The following GREB1 variants were observed in gnomAD, a reference collection of about 807,000 sequenced individuals.
GREB1 encodes the protein protein GREB1.
GREB1 carries 106 observed loss-of-function variants against 200.7 expected under a neutral mutation model. The ratio of observed to expected loss-of-function variants is 0.53; its 90% CI spans 0.45 to 0.62. The LOEUF is 0.62. Among genes scored for constraint, GREB1 ranks in the 20% least tolerant of loss-of-function variants. The pLI is 0.00. For synonymous variants in GREB1, 1,132 were observed against 1,092.4 expected (o/e 1.04, Z -0.72); for missense variants, 2,243 against 2,556.8 (o/e 0.88, Z 2.65).
chr2:11,608,636 A>G lies in GREB1; in HGVS notation c.2667-2052A>G, dbSNP rs1031476774. On this transcript the variant is annotated intron_variant, in intron 17 of 32. Coordinates refer to ENST00000381486, the MANE Select transcript of GREB1 (RefSeq NM_014668.4). ...ATTTAATGTAGCGCTAACTTTGCCC[A>G]TTACTGAGACAAAATCCTCTGAGTA... 2.0e-5 allele frequency among the ~76,000 whole-genome samples: 3 copies of G among 152,328 alleles called. No homozygotes were observed. The East Asian group carries it at 5.8e-4, about 29-fold the overall frequency.
At chr2:11,546,749 G>A (rs1377580603) in intron 1 of GREB1, among the ~76,000 whole-genome samples, 3 of 152,152 alleles carry the variant, frequency 2.0e-5, no homozygotes, top group Admixed American at 2.0e-4. Flanking sequence ...CGCTTTTTGT[G>A]TGAATGCAGG....
At chr2:11,624,457 G>T (rs1011380752) in intron 23 of GREB1, among the ~76,000 whole-genome samples, 2 of 149,492 alleles carry the variant, frequency 1.3e-5, no homozygotes, top group Non-Finnish European at 2.9e-5. Flanking sequence ...TCATTCTCCT[G>T]CCTCAGCCTC....
At chr2:11,489,469 A>T (rs375014571) in intron 1 of GREB1, among the ~76,000 whole-genome samples, 5 of 152,188 alleles carry the variant, frequency 3.3e-5, no homozygotes, top group East Asian at 1.9e-4. Context: ...GGGGGAAAAA[A>T]AAATAAATAA....
rs374829347 is a variant in GREB1, at chr2:11,585,773, A to G, written c.1027A>G (p.Met343Val). The change falls in exon 9 of 33, where the codon ATG (methionine) becomes GTG (valine). Residue 343 changes from methionine to valine, a missense_variant. Physicochemically the swap from Met to Val is conservative, Grantham distance 21. Transcript: ENST00000381486. ...GNRAKYESAG[M>V]SCVPQVGLVG... ...TTGGGTGTTCCTAGAGAGCGCAGGC[A>G]TGTCCTGCGTGCCGCAGGTTGGCTT... 3.8e-5 allele frequency: 61 copies of G among 1,613,028 alleles called. No individual in the cohort carries two copies. The highest frequency in any genetic ancestry group is 5.2e-5 in the Non-Finnish European group (61 of 1,180,032).
chr2:11,592,187 C>CT (rs60260708), intron 10 of GREB1: 13,675 of 311,720 alleles, frequency 0.044, 27 homozygotes, highest in East Asian at 0.054. Flanking sequence ...TTTTTTTTTT[C>CT]TTTTTTTTTT....
chr2:11,561,362 T>A (rs1811400), intron 2 of GREB1: 64,837 of 106,178 alleles, frequency 0.61, 16,971 homozygotes, highest in South Asian at 0.69. Flanking sequence ...CTTGGGGATA[T>A]TTTTTTTTTT....
At chr2:11,521,407 G>T (rs1268513912) in intron 1 of GREB1, among the ~76,000 whole-genome samples, 1 of 152,158 alleles carries the variant, frequency 6.6e-6, no homozygotes, top group African/African-American at 2.4e-5. Flanking sequence ...ATTGTGCCCG[G>T]CCTAGTCTCT....
In GREB1 at chr2:11,587,580, TGCCCCAG is replaced by T. The variant is rs146281451; in HGVS notation, c.1160-1163_1160-1157del. ...GCAGTGTCTTTGAGAACGTGACCTGTGCCCCAGGCACCAGCTTTACTCCCCGAGCCCA... is the reference window on the plus strand; with the variant it reads ...GCAGTGTCTTTGAGAACGTGACCTGTGCACCAGCTTTACTCCCCGAGCCCA... On this transcript the variant is annotated intron_variant, in intron 9 of 32. Transcript: ENST00000381486. The T allele has an allele frequency of 6.5e-4, 969 of 1,498,060 alleles. 5 individuals are homozygous for T. The African/African-American group carries it at 0.012, about 19-fold the overall frequency. The allele number at this position is 1,498,060 out of a possible 1,614,324, so 92.8% of individuals were successfully genotyped here.
intron 1 of GREB1, among the ~76,000 whole-genome samples, chr2:11,542,482 G>A (rs1674854031): frequency 6.6e-6 from 1 of 152,152 alleles, no homozygotes; most frequent in African/African-American, 2.4e-5. Flanking sequence ...AGAGGAACGA[G>A]GGGAAGAGGG....
intron 17 of GREB1, among the ~76,000 whole-genome samples, chr2:11,607,525 T>TGTAC (rs1682455004): frequency 1.1e-5 from 1 of 93,680 alleles, no homozygotes; most frequent in African/African-American, 4.3e-5. Flanking sequence ...CATACATATA[T>TGTAC]ATACACATAT....
chr2:11,556,715 G>A lies in GREB1; in HGVS notation c.101G>A (p.Arg34Lys), dbSNP rs1237049246. The change falls in exon 2 of 33, where the codon AGG becomes AAG. Residue 34 changes from arginine to lysine, a missense_variant. Arg to Lys is a conservative substitution (Grantham distance 26, BLOSUM62 2). This residue lies in a region of GREB1 where 1,178 missense variants were observed against 1,387.4 expected (regional missense o/e 0.85). Coordinates refer to ENST00000381486, the MANE Select transcript of GREB1 (RefSeq NM_014668.4). ...ASLRSNNLVPRPIFSQLYLEA... is the reference protein window; with the variant it reads ...ASLRSNNLVPKPIFSQLYLEA... ...CTGCGGTCCAACAACCTGGTGCCCA[G>A]GCCCATCTTTTCCCAGCTGTACCTG... 2 of 1,614,102 alleles carry A rather than the reference G, an allele frequency of 1.2e-6. No individual in the cohort carries two copies. The highest frequency in any genetic ancestry group is 1.7e-6 in the Non-Finnish European group (2 of 1,179,992).
chr2:11,579,738 C>T (rs1406163352), intron 6 of GREB1, among the ~76,000 whole-genome samples: 2 of 152,196 alleles, frequency 1.3e-5, no homozygotes, highest in African/African-American at 2.4e-5. Context: ...CTTTCCAGAC[C>T]ATTCTGGCTG....
chr2:11,538,914 C>T (rs1464005160), intron 1 of GREB1, among the ~76,000 whole-genome samples: 10 of 46,824 alleles, frequency 2.1e-4, no homozygotes, highest in East Asian at 7.2e-4. Flanking sequence ...TTCCTTCCCC[C>T]TCCCCTCCCC....
At chr2:11,539,560 C>T (rs1428965993) in intron 1 of GREB1, among the ~76,000 whole-genome samples, 1 of 152,230 alleles carries the variant, frequency 6.6e-6, no homozygotes, top group Non-Finnish European at 1.5e-5. Context: ...TCTCCTGACC[C>T]TTTGTTCTTT....
At chr2:11,522,175 T>A (rs533933429) in intron 1 of GREB1, among the ~76,000 whole-genome samples, 23 of 152,064 alleles carry the variant, frequency 1.5e-4, no homozygotes, top group African/African-American at 5.1e-4. Context: ...TCAAGTAGAT[T>A]TTTTTTTGGG....
intron 1 of GREB1, among the ~76,000 whole-genome samples, chr2:11,520,115 GAGAC>G (rs1673653212): frequency 6.6e-6 from 1 of 152,160 alleles, no homozygotes; most frequent in Non-Finnish European, 1.5e-5. Flanking sequence ...CCCAATCTGG[GAGAC>G]AGAGTGAGAC....
chr2:11,607,709 C>A (rs1004330015), intron 17 of GREB1, among the ~76,000 whole-genome samples: 2 of 151,416 alleles, frequency 1.3e-5, no homozygotes, highest in Non-Finnish European at 2.9e-5. Context: ...TCAGGTGTCA[C>A]GTGCATTGAT....
intron 7 of GREB1, among the ~76,000 whole-genome samples, chr2:11,582,343 T>A (rs1679579583): frequency 6.6e-6 from 1 of 152,170 alleles, no homozygotes; most frequent in African/African-American, 2.4e-5. Flanking sequence ...ACACGAGCCG[T>A]TCCAGAATCT....
At chr2:11,509,422 G>A (rs1315984742) in intron 1 of GREB1, among the ~76,000 whole-genome samples, 2 of 151,624 alleles carry the variant, frequency 1.3e-5, no homozygotes, top group African/African-American at 4.8e-5. Flanking sequence ...CAAATCCCAG[G>A]TATATCCTTT....
Sources: gnomAD v4.1 joint callset for allele counts (sites outside exome capture counted in the v4.1 genomes callset) on GRCh38, gnomAD v4.1.1 for gene constraint, gnomAD v4.1.1 regional missense constraint, MANE v1.5 for transcripts, NCBI Gene and HGNC (gene_info 2026-07-23, HGNC 2026-07-21) for gene names.